The following SPTLC3 variants were observed in gnomAD, a reference collection of about 807,000 sequenced individuals.
SPTLC3 encodes serine palmitoyltransferase 3.
In SPTLC3, 36 loss-of-function variants were observed where a neutral mutation model predicts 59.3. That is an observed-to-expected ratio of 0.61 (90% CI 0.47 to 0.80). The LOEUF (loss-of-function observed/expected upper bound fraction) is 0.80, where lower values mean the gene tolerates loss of function less well. Ranked by LOEUF, SPTLC3 falls within the 30% of genes least tolerant of loss-of-function variation. The pLI is 0.00. For synonymous variants in SPTLC3, 257 were observed against 240.8 expected, an observed-to-expected ratio of 1.07 and a Z score of -0.62; for missense variants, 625 against 685.1, an observed-to-expected ratio of 0.91 and a Z score of 0.98.
At chr20:13,087,836 A>C (rs1257480403) in intron 4 of SPTLC3, among the ~76,000 whole-genome samples, 1 of 152,234 alleles carries the variant, frequency 6.6e-6, no homozygotes, top group Non-Finnish European at 1.5e-5. Flanking sequence ...ATCATATGAT[A>C]AATGTTATTC....
chr20:13,074,572 T>C lies in SPTLC3; in HGVS notation c.607+75T>C. 16 of 1,492,470 alleles carry C rather than the reference T, an allele frequency of 1.1e-5. 1 individual carries two copies. The South Asian group carries it at 2.1e-4, about 20-fold the overall frequency. The allele number at this position is 1,492,470 out of a possible 1,614,324, so 92.5% of individuals were successfully genotyped here. ...CTTGTGTCTGTCTCTCAAATCTAGA[T>C]CATATTTGGACTGTGTCCCTTAAAA... is the stretch of plus-strand genomic sequence containing the variant. On this transcript the variant is annotated intron_variant, in intron 4 of 11. Coordinates refer to ENST00000399002, the MANE Select transcript of SPTLC3 (RefSeq NM_018327.4).
Position 13,015,431 on chromosome 20 carries a change from T to C in SPTLC3, c.117+6047T>C, listed in dbSNP as rs554074398. Among the ~76,000 whole-genome samples, 220 of 152,056 alleles carry C rather than the reference T, an allele frequency of 1.4e-3. 2 individuals carry two copies. Among genetic ancestry groups the C allele is most frequent in the Non-Finnish European group, 2.0e-3 (137 of 67,972 alleles). On this transcript the variant is annotated intron_variant, in intron 1 of 11. Transcript: ENST00000399002. The stretch of plus-strand genomic sequence containing the variant: ...ACCAGAAACATGAAGGACCTGGAAA[T>C]AGATTTAAATAAAATGAAAATCAAT...
chr20:13,136,985 A>G (rs112981037), intron 9 of SPTLC3, among the ~76,000 whole-genome samples: 1 of 152,142 alleles, frequency 6.6e-6, no homozygotes, highest in African/African-American at 2.4e-5. Flanking sequence ...CAAGCCTATC[A>G]TAGAATGGAA....
At chr20:13,141,064 CAG>C (rs1293840503) in intron 9 of SPTLC3, among the ~76,000 whole-genome samples, 1 of 152,092 alleles carries the variant, frequency 6.6e-6, no homozygotes, top group East Asian at 1.9e-4. Flanking sequence ...TTAAAAAAAA[CAG>C]GGACTAAGTG....
At chr20:13,028,925 G>T (rs1476376237) in intron 1 of SPTLC3, among the ~76,000 whole-genome samples, 2 of 152,146 alleles carry the variant, frequency 1.3e-5, no homozygotes, top group Non-Finnish European at 2.9e-5. Context: ...GACTCAAACA[G>T]GTATAGTCAC....
intron 1 of SPTLC3, among the ~76,000 whole-genome samples, chr20:13,021,359 A>G (rs1273355054): frequency 2.0e-5 from 3 of 152,146 alleles, no homozygotes; most frequent in African/African-American, 7.2e-5. Flanking sequence ...ACAGTAAGAC[A>G]TTCTTCTTCA....
At chr20:13,129,828 T>C (rs1312145195) in intron 9 of SPTLC3, among the ~76,000 whole-genome samples, 1 of 152,224 alleles carries the variant, frequency 6.6e-6, no homozygotes, top group Admixed American at 6.5e-5. Context: ...CCTGAGGTAG[T>C]AGATATTTCC....
rs543266460 is a variant in SPTLC3, at chr20:13,108,686, T to A, written c.827-1426T>A. On this transcript the variant is annotated intron_variant, in intron 6 of 11. Coordinates refer to ENST00000399002, the MANE Select transcript of SPTLC3 (RefSeq NM_018327.4). ...GTCTCCTGGGTTCAAGCAATTCTCC[T>A]GTCTCAGCCTCCCAAGTAGCTGGGA... Among the ~76,000 whole-genome samples the A allele has an allele frequency of 1.4e-3, 217 of 152,258 alleles. 2 individuals carry two copies. The highest frequency in any genetic ancestry group is 5.8e-3 in the South Asian group (28 of 4,824).
intron 7 of SPTLC3, among the ~76,000 whole-genome samples, chr20:13,111,598 C>T (rs1990236489): frequency 6.6e-6 from 1 of 152,182 alleles, no homozygotes; most frequent in Non-Finnish European, 1.5e-5. Flanking sequence ...CATATTGACT[C>T]TGGGCTGTCA....
At chr20:13,031,235 C>G (rs1481120552) in intron 1 of SPTLC3, among the ~76,000 whole-genome samples, 1 of 152,146 alleles carries the variant, frequency 6.6e-6, no homozygotes, top group African/African-American at 2.4e-5. Context: ...AGTAAGGTAG[C>G]CACCAACTAC....
chr20:13,093,435 C>T (rs768536174), intron 5 of SPTLC3, 49 bp from the exon 6 acceptor site: 6 of 1,563,956 alleles, frequency 3.8e-6, no homozygotes, highest in Admixed American at 1.8e-5. Flanking sequence ...GTTGTTTTTC[C>T]TTGGTTTTAT....
At position 13,073,895 on chromosome 20, in the gene SPTLC3, GTTGGT is replaced by G. The variant is rs1568589172; in HGVS notation, c.459-452_459-448del. The G allele has an allele frequency of 9.0e-6, 5 of 552,984 alleles. No individual in the cohort carries two copies. The Admixed American group carries it at 1.1e-4, about 12-fold the overall frequency. The allele number at this position is 552,984 out of a possible 1,614,324, so 34.3% of individuals were successfully genotyped here. On this transcript the variant is annotated intron_variant, in intron 3 of 11. Transcript: ENST00000399002. The stretch of plus-strand genomic sequence containing the variant: ...AATTCTTTATAGGACGGTCCTGTTT[GTTGGT>G]TCCCAGAGATGCATTCTTCATCCTG...
chr20:13,013,830 T>C (rs1163175284), intron 1 of SPTLC3, among the ~76,000 whole-genome samples: 2 of 152,156 alleles, frequency 1.3e-5, no homozygotes, highest in African/African-American at 2.4e-5. Context: ...ACAATAACTA[T>C]TGGATTGTTC....
At chr20:13,164,394 A>C in intron 11 of SPTLC3, 1 of 476,750 alleles carries the variant, frequency 2.1e-6, no homozygotes, top group South Asian at 1.5e-5. Context: ...CTTCAAATGC[A>C]TTCTGCAACC....
rs77807176 is a variant in SPTLC3 at position 13,022,466 on chromosome 20, G to A, written c.117+13082G>A. On this transcript the variant is annotated intron_variant, in intron 1 of 11. Transcript: ENST00000399002. ...CAGGAATTCAGAAAAGGAACAGTGA[G>A]GACAGCTCTCCCCTGCTCCATGGTG... Among the ~76,000 whole-genome samples, 1,050 of 152,290 alleles carry A rather than the reference G, an allele frequency of 6.9e-3. 10 individuals are homozygous for A. The highest frequency in any genetic ancestry group is 0.024 in the African/African-American group (1,014 of 41,560).
At chr20:13,057,809 T>C (rs1275389087) in intron 2 of SPTLC3, among the ~76,000 whole-genome samples, 1 of 152,196 alleles carries the variant, frequency 6.6e-6, no homozygotes, top group Non-Finnish European at 1.5e-5. Flanking sequence ...AACCACAAGT[T>C]CTCAAAAGTC....
At chr20:13,061,476 C>A (rs759753707) in intron 2 of SPTLC3, among the ~76,000 whole-genome samples, 2 of 152,180 alleles carry the variant, frequency 1.3e-5, no homozygotes, top group Non-Finnish European at 2.9e-5. Flanking sequence ...GGGTTCCTAT[C>A]GAGGCCACCT....
chr20:13,122,836 C>T (rs907415142), intron 8 of SPTLC3, among the ~76,000 whole-genome samples: 6 of 152,112 alleles, frequency 3.9e-5, no homozygotes, highest in African/African-American at 1.2e-4. Flanking sequence ...CCACCCCTCC[C>T]CATAAGGATG....
intron 1 of SPTLC3, among the ~76,000 whole-genome samples, chr20:13,014,789 TAA>T (rs59783373): frequency 8.5e-5 from 12 of 141,366 alleles, no homozygotes; most frequent in African/African-American, 1.8e-4. Context: ...TGTCTAAATT[TAA>T]AAAAAAAAAA....
Sources: gnomAD v4.1 joint callset for allele counts (sites outside exome capture counted in the v4.1 genomes callset) on GRCh38, gnomAD v4.1.1 for gene constraint, MANE v1.5 for transcripts, NCBI Gene and HGNC (gene_info 2026-07-23, HGNC 2026-07-21) for gene names.